SPTBN2: variants seen among roughly 807,000 people sequenced by gnomAD.
SPTBN2 encodes spectrin beta chain, non-erythrocytic 2.
Under a neutral mutation model 284.2 loss-of-function variants are expected in SPTBN2, and 107 were observed. The ratio of observed to expected loss-of-function variants is 0.38; its 90% CI spans 0.32 to 0.44. The LOEUF (loss-of-function observed/expected upper bound fraction) is 0.44. SPTBN2 is among the 20% of genes least tolerant of loss of function. The probability of loss-of-function intolerance (pLI) is 1.00; values close to 1 mark genes in which losing one functional copy is unlikely to be tolerated. For synonymous variants in SPTBN2, 1,289 were observed against 1,354.8 expected (o/e 0.95, Z 1.07); for missense variants, 2,569 against 3,287.1 (o/e 0.78, Z 5.34).
At position 66,696,469 on chromosome 11, in the gene SPTBN2, G is replaced by C. The variant is rs775852855; in HGVS notation, c.4086C>G (p.His1362Gln). 6.3e-5 allele frequency: 101 copies of C among 1,612,442 alleles called. No individual in the cohort carries two copies. Among genetic ancestry groups the C allele is most frequent in the Non-Finnish European group, 8.1e-5 (95 of 1,180,042 alleles). The change falls in exon 21 of 38, where the codon CAC (histidine) becomes CAG (glutamine). Residue 1362 changes from histidine (H) to glutamine (Q), a missense_variant. His to Gln is a conservative substitution (Grantham distance 24, BLOSUM62 0). Around this residue, in one of 6 missense-constraint regions of SPTBN2, gnomAD observed 50 missense variants for 48.1 expected, o/e 1.04. Coordinates refer to ENST00000533211, the MANE Select transcript of SPTBN2 (RefSeq NM_006946.4). ...TGGTCTCCAGCTCGTCCCAGCGCCT[G>C]TGCAGGTCTCTCAGCTTCTCCGACA... ...ALVSEKLRDL[H>Q]RRWDELETTT...
Position 66,694,913 on chromosome 11 carries a change from A to G in SPTBN2, c.4279-550T>C, listed in dbSNP as rs1167141948. 2.0e-5 allele frequency among the ~76,000 whole-genome samples: 3 copies of G among 152,078 alleles called. No homozygotes were observed. The East Asian group carries it at 5.8e-4, about 29-fold the overall frequency. On this transcript the variant is annotated intron_variant, in intron 21 of 37. Transcript: ENST00000533211. ...GTTCCAAGGTGCTTTTCTTCCTCCT[A>G]CAGCAAAACTGTCCACAGTGCGCAA...
rs1939974858 is a variant in SPTBN2 at position 66,684,427 on chromosome 11, A to T, written c.*1444T>A. Among the ~76,000 whole-genome samples, 1 of 152,146 alleles carries T rather than the reference A, an allele frequency of 6.6e-6. No individual in the cohort carries two copies. On this transcript the variant is annotated 3_prime_UTR_variant, in exon 38 of 38. Coordinates refer to ENST00000533211, the MANE Select transcript of SPTBN2 (RefSeq NM_006946.4). Reference sequence around the variant, plus strand: ...GGTGAGAGAATCACTTGGGCCCAGGAATTCGAGACCGACCTGGGCAACATA... The same window carrying T: ...GGTGAGAGAATCACTTGGGCCCAGGTATTCGAGACCGACCTGGGCAACATA...
intron 10 of SPTBN2, 62 bp from the exon 11 acceptor site, chr11:66,709,081 A>G: frequency 7.3e-7 from 1 of 1,368,898 alleles, no homozygotes; most frequent in Non-Finnish European, 1.0e-6. Flanking sequence ...AGGACTCTTT[A>G]CTCTTCCAAA....
chr11:66,694,418 C>T (rs1940782369), intron 21 of SPTBN2, 55 bp from the exon 22 acceptor site: 1 of 1,554,576 alleles, frequency 6.4e-7, no homozygotes, highest in Non-Finnish European at 8.8e-7. Context: ...CCTTCATGCC[C>T]AGCAGAGACA....
chr11:66,719,052 C>G (rs1590977127), intron 3 of SPTBN2, among the ~76,000 whole-genome samples: 1 of 152,264 alleles, frequency 6.6e-6, no homozygotes, highest in East Asian at 1.9e-4. Context: ...TTTGCAGGAA[C>G]AGCGAGGGCG....
intron 1 of SPTBN2, among the ~76,000 whole-genome samples, chr11:66,740,636 A>G (rs1276424085): frequency 1.3e-5 from 2 of 152,050 alleles, no homozygotes; most frequent in Non-Finnish European, 2.9e-5. Flanking sequence ...ATTTCAGGAA[A>G]CCCGGTTATG....
Position 66,710,022 on chromosome 11 carries a change from T to C in SPTBN2, c.1073+560A>G, listed in dbSNP as rs1343221960. 6.6e-6 allele frequency among the ~76,000 whole-genome samples: 1 copy of C among 152,202 alleles called. No homozygotes were observed. Among genetic ancestry groups the C allele is most frequent in the Non-Finnish European group, 1.5e-5 (1 of 68,018 alleles). On this transcript the variant is annotated intron_variant, in intron 10 of 37. Coordinates refer to ENST00000533211, the MANE Select transcript of SPTBN2 (RefSeq NM_006946.4). This position sits in a 1 kb window ranked among gnomAD's most constrained non-coding sequence, Gnocchi z 4.9. Reference sequence around the variant, plus strand: ...TGATGGATCGCACTGACTCAACACATCATAGCAATCATTTCCACAGCATGT... The same window carrying C: ...TGATGGATCGCACTGACTCAACACACCATAGCAATCATTTCCACAGCATGT...
intron 15 of SPTBN2, among the ~76,000 whole-genome samples, chr11:66,703,776 T>C (rs1941375271): frequency 6.6e-6 from 1 of 152,016 alleles, no homozygotes; most frequent in Non-Finnish European, 1.5e-5. Context: ...TATGTGATAA[T>C]GGTATTGTGG....
At chr11:66,720,458 A>ACGAGTTTC (rs1378962009) in intron 3 of SPTBN2, among the ~76,000 whole-genome samples, 1 of 152,158 alleles carries the variant, frequency 6.6e-6, no homozygotes, top group East Asian at 1.9e-4. Flanking sequence ...AGGCCGTTGG[A>ACGAGTTTC]CGAGTTTCCG....
At chr11:66,711,354 G>A (rs1422408681) in intron 8 of SPTBN2, among the ~76,000 whole-genome samples, 1 of 152,192 alleles carries the variant, frequency 6.6e-6, no homozygotes, top group Non-Finnish European at 1.5e-5. Flanking sequence ...TTGCTATGTG[G>A]GGATGGATCA....
Position 66,692,431 on chromosome 11 carries a change from C to T in SPTBN2, c.5190+105G>A, listed in dbSNP as rs141929493. 86 of 1,391,656 alleles carry T rather than the reference C, an allele frequency of 6.2e-5. 1 individual carries two copies. The African/African-American group carries it at 1.0e-3, about 17-fold the overall frequency. 86.2% of individuals were successfully genotyped at this position (1,391,656 alleles called of 1,614,324 possible). A position where few individuals can be genotyped will look rare whatever the true frequency, so the allele number is the denominator to read the frequency against. On this transcript the variant is annotated intron_variant, in intron 26 of 37. Transcript: ENST00000533211. ...ACAGTGCCTGCTCAGCCTGGTCTTG[C>T]CCCTTAGCCCCTCAGTGCTCTGCCT...
intron 8 of SPTBN2, among the ~76,000 whole-genome samples, chr11:66,712,419 C>T (rs968772931): frequency 2.6e-5 from 4 of 152,030 alleles, no homozygotes; most frequent in African/African-American, 7.3e-5. Context: ...TGGTGGGATG[C>T]GCCTGTAATC....
chr11:66,698,728 C>A lies in SPTBN2; in HGVS notation c.3925G>T (p.Ala1309Ser), dbSNP rs1423004633. 6.2e-7 allele frequency: 1 copy of A among 1,614,226 alleles called. No individual in the cohort carries two copies. ...TGCCACTTAGTATGCAGGTTGCGGG[C>A]CTCGTCATAGGACACGTCCTGGGCT... ...LTAQDVSYDE[A>S]RNLHTKWQKH... Residue 1309 changes from alanine to serine, a missense_variant, in exon 20 of 38, where the codon GCC becomes TCC. Ala to Ser is a moderately conservative substitution (Grantham distance 99). This residue lies in a region of SPTBN2 where 24 missense variants were observed against 58.1 expected (regional missense o/e 0.41). Transcript: ENST00000533211.
At chr11:66,694,445 C>T (rs1015503170) in intron 21 of SPTBN2, 82 bp from the exon 22 acceptor site, 1 of 1,411,110 alleles carries the variant, frequency 7.1e-7, no homozygotes. Flanking sequence ...AGTCTCTATC[C>T]AGCCCACTGT....
At chr11:66,699,180 C>T (rs771744971) in intron 18 of SPTBN2, 98 bp from the exon 19 acceptor site, 43 of 1,469,418 alleles carry the variant, frequency 2.9e-5, no homozygotes, top group Middle Eastern at 1.7e-4. Flanking sequence ...AGGGGAATAA[C>T]GCCTTCCGGG....
chr11:66,725,881 T>C (rs1000672558), intron 1 of SPTBN2, among the ~76,000 whole-genome samples: 1 of 152,194 alleles, frequency 6.6e-6, no homozygotes, highest in Non-Finnish European at 1.5e-5. Context: ...GGCTGCCTTG[T>C]ATCCTAATTC....
At chr11:66,726,006 T>TCGCATTA (rs1942608752) in intron 1 of SPTBN2, among the ~76,000 whole-genome samples, 1 of 152,200 alleles carries the variant, frequency 6.6e-6, no homozygotes, top group South Asian at 2.1e-4. Flanking sequence ...ACTTATCACA[T>TCGCATTA]CGCATTACGG....
At position 66,685,941 on chromosome 11, in the gene SPTBN2, A is replaced by T. The variant is rs1940076270; in HGVS notation, c.7103T>A (p.Val2368Glu). 1 of 1,613,968 alleles carries T rather than the reference A, an allele frequency of 6.2e-7. No homozygotes were observed. Among genetic ancestry groups the T allele is most frequent in the Non-Finnish European group, 8.5e-7 (1 of 1,180,044 alleles). ...TTCTCTGCCGTCTTTGCTGCGGAGC[A>T]CAACAGGCCCCTCAGCCCCGACGGG... ...VSPVGAEGPV[V>E]LRSKDGRERE... Residue 2368 changes from valine to glutamate, a missense_variant, in exon 38 of 38, where the codon GTG becomes GAG. By Grantham distance (121) the Val-to-Glu change is moderately radical. This residue lies in a region of SPTBN2 where 1,130 missense variants were observed against 1,317.3 expected (regional missense o/e 0.86). Transcript: ENST00000533211. The surrounding 1 kb of genome is among the most constrained non-coding windows in gnomAD (Gnocchi z 4.4).
intron 36 of SPTBN2, 179 bp downstream of exon 36, chr11:66,686,815 T>C (rs1404687662): frequency 2.5e-6 from 2 of 811,718 alleles, no homozygotes; most frequent in Non-Finnish European, 4.0e-6. Context: ...CCTGCTCCCC[T>C]TGGTGTGGAG....
Sources: gnomAD v4.1 joint callset for allele counts (sites outside exome capture counted in the v4.1 genomes callset) on GRCh38, gnomAD v4.1.1 for gene constraint, gnomAD v4.1.1 regional missense constraint, Gnocchi (gnomAD v3.1) non-coding constraint, MANE v1.5 for transcripts, NCBI Gene and HGNC (gene_info 2026-07-23, HGNC 2026-07-21) for gene names.